KDM4A: variants seen among roughly 807,000 people sequenced by gnomAD.
KDM4A encodes the protein lysine demethylase 4A.
Under a neutral mutation model 127.1 loss-of-function variants are expected in KDM4A, and 23 were observed. The ratio of observed to expected loss-of-function variants is 0.18; its 90% confidence interval spans 0.13 to 0.26. The LOEUF is 0.26. KDM4A is among the 10% of genes least tolerant of loss of function. KDM4A has a pLI of 1.00. For missense variants in KDM4A, 890 were observed against 1,329.1 expected (o/e 0.67, Z 5.14); for synonymous variants, 443 against 466.5 (o/e 0.95, Z 0.65).
At position 43,693,193 on chromosome 1, in the gene KDM4A, T is replaced by G. The variant is rs201686497; in HGVS notation, c.2376-801T>G. On this transcript the variant is annotated intron_variant, in intron 16 of 21. Transcript: ENST00000372396. This position sits in a 1 kb window ranked among gnomAD's most constrained non-coding sequence, Gnocchi z 4.2. ...TTCTTATTTGGAGTGGAAATGGCTG[T>G]GCTTGAATCTCTCACCTTTACCTCT... Among the ~76,000 whole-genome samples, 1 of 152,216 alleles carries G rather than the reference T, an allele frequency of 6.6e-6. No individual in the cohort carries two copies. Among genetic ancestry groups the G allele is most frequent in the African/African-American group, 2.4e-5 (1 of 41,444 alleles).
At chr1:43,703,472 A>T in intron 19 of KDM4A, 145 bp from the exon 20 acceptor site, 1 of 978,410 alleles carries the variant, frequency 1.0e-6, no homozygotes, top group South Asian at 1.6e-5. Context: ...AAGGTCTTTA[A>T]CTGTTAACAT....
In KDM4A at chr1:43,698,082, CTGTG is replaced by C. The variant is rs368171316; in HGVS notation, c.2841+75_2841+78del. 22 of 1,501,816 alleles carry C rather than the reference CTGTG, an allele frequency of 1.5e-5. No homozygotes were observed. In the East Asian group the frequency reaches 4.5e-4, roughly 31 times the overall value. 93.0% of individuals were successfully genotyped at this position (1,501,816 alleles called of 1,614,324 possible). A position where few individuals can be genotyped will look rare whatever the true frequency, so the allele number is the denominator to read the frequency against. On this transcript the variant is annotated intron_variant, in intron 19 of 21. Coordinates refer to ENST00000372396, the MANE Select transcript of KDM4A (RefSeq NM_014663.3). The stretch of plus-strand genomic sequence containing the variant: ...ATGTTTCTAAGGTCTGGCTGGCAGA[CTGTG>C]TGTGTATGCCTGCTTCTTCTAGCCA...
At chr1:43,702,535 C>A (rs902524417) in intron 19 of KDM4A, 1 of 152,132 alleles carries the variant, frequency 6.6e-6, no homozygotes, top group African/African-American at 2.4e-5. Context: ...AAGCCATGTC[C>A]CTAAGGACCT....
Position 43,662,707 on chromosome 1 carries a change from GTCA to G in KDM4A, c.430-186_430-184del, listed in dbSNP as rs773018322. ...TATTTGCCCTTTGAAGGTAAATGGT[GTCA>G]GTTCCAGTGGTAGCCGTGAAAGTCA... On this transcript the variant is annotated intron_variant, in intron 4 of 21. Coordinates refer to ENST00000372396, the MANE Select transcript of KDM4A (RefSeq NM_014663.3). Among the ~76,000 whole-genome samples the G allele has an allele frequency of 5.9e-5, 9 of 152,344 alleles. No individual in the cohort carries two copies. The South Asian group carries it at 1.2e-3, about 21-fold the overall frequency.
At chr1:43,665,963 T>C (rs1274742103) in intron 6 of KDM4A, among the ~76,000 whole-genome samples, 1 of 152,178 alleles carries the variant, frequency 6.6e-6, no homozygotes, top group African/African-American at 2.4e-5. Flanking sequence ...AGCAGGGGTG[T>C]TTCTTTGACC....
intron 20 of KDM4A, 27 bp from the exon 21 acceptor site, chr1:43,703,993 G>C: frequency 6.3e-7 from 1 of 1,599,660 alleles, no homozygotes; most frequent in Non-Finnish European, 8.6e-7. Context: ...GGATATCCTA[G>C]CCAAAAGGCC....
At chr1:43,650,823 T>G (rs986545526) in intron 1 of KDM4A, 35 of 152,264 alleles carry the variant, frequency 2.3e-4, no homozygotes, top group African/African-American at 8.0e-4. Context: ...ACATAGCTAA[T>G]AAACGGCAGA....
chr1:43,653,187 G>A lies in KDM4A; in HGVS notation c.12G>A (p.Glu4=), dbSNP rs199716453. ...AAAAAGGAGGGAAAATGGCTTCTGAGTCTGAAACTCTGAATCCCAGTGCTA... is the reference window on the plus strand; with the variant it reads ...AAAAAGGAGGGAAAATGGCTTCTGAATCTGAAACTCTGAATCCCAGTGCTA... MAS[E]SETLNPSARI... The change falls in exon 2 of 22, where the codon GAG becomes GAA. Residue 4 remains glutamate (E), a synonymous_variant. Transcript: ENST00000372396. 6.8e-6 allele frequency: 11 copies of A among 1,611,918 alleles called. No homozygotes were observed. The highest frequency in any genetic ancestry group is 1.7e-5 in the Admixed American group (1 of 59,742).
intron 11 of KDM4A, among the ~76,000 whole-genome samples, chr1:43,680,784 T>C (rs1327314935): frequency 2.6e-5 from 4 of 152,254 alleles, no homozygotes; most frequent in Non-Finnish European, 4.4e-5. Context: ...GTAAGCCCCA[T>C]TGGGATTACA....
At chr1:43,697,266 T>C (rs1661262343) in intron 18 of KDM4A, among the ~76,000 whole-genome samples, 1 of 152,170 alleles carries the variant, frequency 6.6e-6, no homozygotes, top group Admixed American at 6.5e-5. Flanking sequence ...GTCACATACT[T>C]TGTGATCCTG....
chr1:43,698,163 GTCTT>G (rs1416789104), intron 19 of KDM4A, 150 bp downstream of exon 19: 21 of 734,878 alleles, frequency 2.9e-5, no homozygotes, highest in East Asian at 2.7e-5. Flanking sequence ...ATCTGTACCA[GTCTT>G]TCTTTGCAAA....
At chr1:43,695,588 T>C (rs1163104453) in intron 18 of KDM4A, among the ~76,000 whole-genome samples, 1 of 152,264 alleles carries the variant, frequency 6.6e-6, no homozygotes, top group Non-Finnish European at 1.5e-5. Flanking sequence ...CTCAGGACTC[T>C]GACCTGTCTT....
intron 18 of KDM4A, among the ~76,000 whole-genome samples, chr1:43,695,639 T>C (rs1293325869): frequency 2.0e-5 from 3 of 152,342 alleles, no homozygotes; most frequent in African/African-American, 7.2e-5. Context: ...TTCTGCATTA[T>C]AGTTTTTGAT....
Position 43,683,545 on chromosome 1 carries a change from A to T in KDM4A, c.1735-139A>T, listed in dbSNP as rs572377603. 1.3e-5 allele frequency: 13 copies of T among 988,582 alleles called. No homozygotes were observed. In the East Asian group the frequency reaches 3.1e-4, roughly 24 times the overall value. 61.2% of individuals were successfully genotyped at this position (988,582 alleles called of 1,614,324 possible). ...GTATTGTCATTTGGCTTTTTCTAAG[A>T]TAGGTATTTTCTGTTTGGTATTATA... On this transcript the variant is annotated intron_variant, in intron 11 of 21. Transcript: ENST00000372396.
chr1:43,686,025 A>G (rs1335135939), intron 12 of KDM4A, among the ~76,000 whole-genome samples: 2 of 152,194 alleles, frequency 1.3e-5, no homozygotes. Context: ...ACCATTTTGA[A>G]TATATTAACA....
intron 13 of KDM4A, chr1:43,690,532 G>A: frequency 2.5e-6 from 1 of 405,290 alleles, no homozygotes; most frequent in Non-Finnish European, 4.6e-6. Flanking sequence ...ACAGGCGTGA[G>A]CCACCTCACC....
At position 43,692,190 on chromosome 1, in the gene KDM4A, G is replaced by A. The variant is rs138015280; in HGVS notation, c.2320-66G>A. On this transcript the variant is annotated intron_variant, in intron 15 of 21. Coordinates refer to ENST00000372396, the MANE Select transcript of KDM4A (RefSeq NM_014663.3). ...AGGAGTTGCCCAAAGCAGGTCCAGGGGAGAGCAGATTGAATGTTAATGACT... is the reference window on the plus strand; with the variant it reads ...AGGAGTTGCCCAAAGCAGGTCCAGGAGAGAGCAGATTGAATGTTAATGACT... 164 of 1,414,828 alleles carry A rather than the reference G, an allele frequency of 1.2e-4. No homozygotes were observed. The African/African-American group carries it at 2.0e-3, about 17-fold the overall frequency. 87.6% of individuals were successfully genotyped at this position (1,414,828 alleles called of 1,614,324 possible).
At chr1:43,652,176 C>T (rs1377976585) in intron 1 of KDM4A, among the ~76,000 whole-genome samples, 1 of 151,804 alleles carries the variant, frequency 6.6e-6, no homozygotes, top group Non-Finnish European at 1.5e-5. Flanking sequence ...CGTAAGCCAC[C>T]GCACCCAGCC....
intron 10 of KDM4A, among the ~76,000 whole-genome samples, chr1:43,669,904 C>T (rs537162245): frequency 1.1e-4 from 17 of 152,192 alleles, no homozygotes; most frequent in Admixed American, 6.5e-4. Context: ...CCGCCTGCCT[C>T]GGCCTCCCAA....
Sources: gnomAD v4.1 joint callset for allele counts (sites outside exome capture counted in the v4.1 genomes callset) on GRCh38, gnomAD v4.1.1 for gene constraint, Gnocchi (gnomAD v3.1) non-coding constraint, MANE v1.5 for transcripts, NCBI Gene and HGNC (gene_info 2026-07-23, HGNC 2026-07-21) for gene names.